The following EPS15 variants were observed in gnomAD, a reference collection of about 807,000 sequenced individuals.
The protein encoded by EPS15 is epidermal growth factor receptor pathway substrate 15.
In EPS15, 72 loss-of-function variants were observed where a neutral mutation model predicts 113.8. The ratio of observed to expected loss-of-function variants is 0.63; its 90% CI spans 0.52 to 0.77. The LOEUF is 0.77. Among genes scored for constraint, EPS15 ranks in the 30% least tolerant of loss-of-function variants. The pLI is 0.00. For missense variants in EPS15, 1,048 were observed against 1,045.8 expected (o/e 1.00, Z -0.03); for synonymous variants, 344 against 363.4 (o/e 0.95, Z 0.61).
intron 16 of EPS15, among the ~76,000 whole-genome samples, chr1:51,403,813 C>T (rs1648821320): frequency 6.6e-6 from 1 of 152,112 alleles, no homozygotes; most frequent in Non-Finnish European, 1.5e-5. Context: ...CCTTCTTCTC[C>T]ATCCTCACTG....
Position 51,363,883 on chromosome 1 carries a change from G to C in EPS15, c.2342C>G (p.Pro781Arg), listed in dbSNP as rs1646445083. 3.1e-6 allele frequency: 5 copies of C among 1,612,846 alleles called. No homozygotes were observed. The highest frequency in any genetic ancestry group is 2.2e-5 in the East Asian group (1 of 44,814). ...LPPKIGTPTR[P>R]CPLPPGKRSI... ...TCTCATACCAGGTGGTAGAGGGCAG[G>C]GTCTTGTTGGAGTTCCGATCTTTGG... is the stretch of plus-strand genomic sequence containing the variant. Residue 781 changes from proline to arginine, a missense_variant, in exon 23 of 25, where the codon CCC (proline) becomes CGC (arginine). By Grantham distance (103) the Pro-to-Arg change is moderately radical. Transcript: ENST00000371733.
intron 10 of EPS15, among the ~76,000 whole-genome samples, chr1:51,446,395 T>A (rs183347171): frequency 2.2e-4 from 33 of 152,124 alleles, no homozygotes; most frequent in Non-Finnish European, 3.4e-4. Context: ...TAAGTTTAAT[T>A]GATATAAACA....
intron 15 of EPS15, among the ~76,000 whole-genome samples, chr1:51,406,821 G>C (rs567073673): frequency 6.6e-6 from 1 of 152,230 alleles, no homozygotes; most frequent in African/African-American, 2.4e-5. Flanking sequence ...GACTCTGCTA[G>C]GGGAGACAGA....
chr1:51,488,461 A>G (rs2148532768), intron 1 of EPS15, among the ~76,000 whole-genome samples: 1 of 148,840 alleles, frequency 6.7e-6, no homozygotes, highest in South Asian at 2.1e-4. Flanking sequence ...TAGAAAGCCA[A>G]TAAAGTTTTG....
At chr1:51,460,330 A>T (rs867124293) in intron 8 of EPS15, among the ~76,000 whole-genome samples, 1 of 152,230 alleles carries the variant, frequency 6.6e-6, no homozygotes, top group South Asian at 2.1e-4. Flanking sequence ...GGAATTAACT[A>T]TTCAATTACT....
intron 8 of EPS15, 84 bp from the exon 9 acceptor site, chr1:51,448,219 C>T (rs1653229317): frequency 4.1e-6 from 3 of 731,846 alleles, no homozygotes; most frequent in Admixed American, 2.6e-5. Flanking sequence ...AATGATAAAT[C>T]ATCGTCAGGC....
chr1:51,515,684 T>C (rs961605530), intron 1 of EPS15, among the ~76,000 whole-genome samples: 1 of 152,230 alleles, frequency 6.6e-6, no homozygotes, highest in African/African-American at 2.4e-5. Flanking sequence ...CCATGGCTTA[T>C]ATCCTCAAGA....
chr1:51,472,941 G>T lies in EPS15; in HGVS notation c.83C>A (p.Thr28Lys). Reference sequence around the variant, plus strand: ...AGCCAACACCCTTCCAGTATTGCCTGTATCAACCTGAAAAGATACAAATCC... The same window carrying T: ...AGCCAACACCCTTCCAGTATTGCCTTTATCAACCTGAAAAGATACAAATCC... ...VYEKYYRQVD[T>K]GNTGRVLASD... Residue 28 changes from threonine (T) to lysine (K), a missense_variant, in exon 3 of 25, where the codon ACA becomes AAA. Transcript: ENST00000371733. 6.2e-7 allele frequency: 1 copy of T among 1,612,140 alleles called. No individual in the cohort carries two copies. The highest frequency in any genetic ancestry group is 8.5e-7 in the Non-Finnish European group (1 of 1,178,552).
intron 1 of EPS15, among the ~76,000 whole-genome samples, chr1:51,512,699 A>G (rs951542955): frequency 2.0e-5 from 3 of 152,204 alleles, no homozygotes; most frequent in African/African-American, 7.2e-5. Context: ...CCATAAAGAA[A>G]TAACAAACTA....
chr1:51,423,706 C>T, intron 12 of EPS15: 1 of 985,394 alleles, frequency 1.0e-6, no homozygotes, highest in Non-Finnish European at 1.2e-6. Flanking sequence ...AGTGTCTGCT[C>T]AGATCAAGTG....
rs376759365 is a variant in EPS15, at chr1:51,447,066, T to C, written c.691A>G (p.Ile231Val). ...SPAEKAKYDE[I>V]FLKTDKDMDG... The stretch of plus-strand genomic sequence containing the variant: ...ATATCTTTATCAGTTTTCAGGAAGA[T>C]TTCATCATATTTAGCTTTTTCTGCA... The change falls in exon 10 of 25, where the codon ATC (isoleucine) becomes GTC (valine). Residue 231 changes from isoleucine (I) to valine (V), a missense_variant. Ile to Val is a conservative substitution (Grantham distance 29). Transcript: ENST00000371733. The C allele has an allele frequency of 2.3e-5, 37 of 1,613,512 alleles. No homozygotes were observed. In the African/African-American group the frequency reaches 3.5e-4, roughly 15 times the overall value.
At chr1:51,379,994 G>A (rs1249274263) in intron 21 of EPS15, among the ~76,000 whole-genome samples, 1 of 151,684 alleles carries the variant, frequency 6.6e-6, no homozygotes, top group South Asian at 2.1e-4. Flanking sequence ...GCGACAGGGG[G>A]AGGATGCAGT....
intron 1 of EPS15, among the ~76,000 whole-genome samples, chr1:51,491,036 T>C (rs1644223553): frequency 6.6e-6 from 1 of 152,214 alleles, no homozygotes; most frequent in East Asian, 1.9e-4. Flanking sequence ...CAATGTGAAG[T>C]AGAGAGAAGG....
intron 13 of EPS15, among the ~76,000 whole-genome samples, chr1:51,413,447 G>T (rs1312034159): frequency 6.6e-6 from 1 of 152,168 alleles, no homozygotes; most frequent in African/African-American, 2.4e-5. Context: ...AGCAATTACT[G>T]TAACTATCAT....
intron 21 of EPS15, among the ~76,000 whole-genome samples, chr1:51,380,163 G>A (rs938567186): frequency 1.3e-5 from 2 of 151,660 alleles, no homozygotes; most frequent in African/African-American, 4.8e-5. Flanking sequence ...GGCAGACGTT[G>A]CAGTGAGCCG....
intron 15 of EPS15, among the ~76,000 whole-genome samples, chr1:51,407,663 A>G (rs1649259051): frequency 6.6e-6 from 1 of 152,252 alleles, no homozygotes; most frequent in South Asian, 2.1e-4. Flanking sequence ...TGTGAATTCA[A>G]AATTAGAATC....
intron 2 of EPS15, among the ~76,000 whole-genome samples, chr1:51,476,991 C>T (rs1345621510): frequency 1.3e-5 from 2 of 152,182 alleles, no homozygotes; most frequent in Admixed American, 6.5e-5. Context: ...GGAGGATTCC[C>T]TCTTTTTCTA....
At position 51,441,709 on chromosome 1, in the gene EPS15, G is replaced by A. The variant is rs1388281340; in HGVS notation, c.955-1277C>T. On this transcript the variant is annotated intron_variant, in intron 11 of 24. Transcript: ENST00000371733. ...ATTCTCAAAACTAATCTGAAAAGTG[G>A]GTAGTAGGTAGGGCAGATATTGTTA... Among the ~76,000 whole-genome samples the A allele has an allele frequency of 2.6e-5, 4 of 151,974 alleles. No individual in the cohort carries two copies. In the East Asian group the frequency reaches 7.7e-4, roughly 29 times the overall value.
intron 4 of EPS15, among the ~76,000 whole-genome samples, chr1:51,470,754 A>G (rs2148510618): frequency 6.6e-6 from 1 of 152,272 alleles, no homozygotes; most frequent in East Asian, 1.9e-4. Context: ...CTCAAACTCA[A>G]TATCCAAAAT....
Sources: allele counts gnomAD v4.1 joint callset (sites outside exome capture counted in the v4.1 genomes callset), GRCh38; gene constraint gnomAD v4.1.1; transcripts MANE v1.5; gene names NCBI Gene and HGNC (gene_info 2026-07-23, HGNC 2026-07-21).